CFAP61: variants seen among roughly 807,000 people sequenced by gnomAD.
CFAP61 encodes the protein cilia and flagella associated protein 61.
Under a neutral mutation model 135.6 loss-of-function variants are expected in CFAP61, and 107 were observed. The ratio of observed to expected loss-of-function variants is 0.79; its 90% CI spans 0.67 to 0.93. CFAP61 has a LOEUF of 0.93. Ranked by LOEUF, CFAP61 falls within the 40% of genes least tolerant of loss-of-function variation. The probability of loss-of-function intolerance (pLI) is 0.00; values close to 1 mark genes in which losing one functional copy is unlikely to be tolerated. For synonymous variants in CFAP61, 575 were observed against 578.5 expected, an observed-to-expected ratio of 0.99 and a Z score of 0.09; for missense variants, 1,507 against 1,556.2, an observed-to-expected ratio of 0.97 and a Z score of 0.53.
At chr20:20,299,457 C>G (rs1430361528) in intron 25 of CFAP61, among the ~76,000 whole-genome samples, 1 of 152,128 alleles carries the variant, frequency 6.6e-6, no homozygotes, top group Non-Finnish European at 1.5e-5. Context: ...GAGAAAGAAG[C>G]CGTAGATGAT....
At chr20:20,291,959 C>T (rs964571553) in intron 24 of CFAP61, among the ~76,000 whole-genome samples, 3 of 152,194 alleles carry the variant, frequency 2.0e-5, no homozygotes, top group Non-Finnish European at 4.4e-5. Context: ...ATATGACCAA[C>T]CTAAAATAAA....
chr20:20,226,678 T>C (rs2048757468), intron 17 of CFAP61, among the ~76,000 whole-genome samples: 1 of 152,206 alleles, frequency 6.6e-6, no homozygotes, highest in Non-Finnish European at 1.5e-5. Flanking sequence ...GTTTCACGTT[T>C]ACACCACGTG....
At chr20:20,142,152 C>A (rs1026030660) in intron 8 of CFAP61, among the ~76,000 whole-genome samples, 1 of 152,122 alleles carries the variant, frequency 6.6e-6, no homozygotes, top group Non-Finnish European at 1.5e-5. Context: ...GGGTGAAAGA[C>A]CTTTGTAGAC....
chr20:20,084,806 C>A (rs2046681372), intron 6 of CFAP61, among the ~76,000 whole-genome samples: 1 of 152,162 alleles, frequency 6.6e-6, no homozygotes, highest in East Asian at 1.9e-4. Context: ...ACTTAGAAGA[C>A]ACCCATTTCC....
intron 9 of CFAP61, among the ~76,000 whole-genome samples, chr20:20,156,086 T>G (rs2146788360): frequency 6.6e-6 from 1 of 152,206 alleles, no homozygotes; most frequent in East Asian, 1.9e-4. Context: ...GGATGATGGG[T>G]GCACTAAAAT....
chr20:20,105,817 T>C (rs2146655080), intron 8 of CFAP61, among the ~76,000 whole-genome samples: 1 of 149,776 alleles, frequency 6.7e-6, no homozygotes, highest in South Asian at 2.1e-4. Context: ...AGTTTTTTTT[T>C]TTTAGTAGAG....
At chr20:20,144,658 T>C (rs2051714815) in intron 9 of CFAP61, among the ~76,000 whole-genome samples, 1 of 150,064 alleles carries the variant, frequency 6.7e-6, no homozygotes, top group Admixed American at 6.6e-5. Context: ...ATAAATTTGA[T>C]GAAAACAATA....
chr20:20,239,389 C>T (rs1340741286), intron 18 of CFAP61, among the ~76,000 whole-genome samples: 1 of 152,120 alleles, frequency 6.6e-6, no homozygotes, highest in East Asian at 1.9e-4. Flanking sequence ...GGCAGGGAAC[C>T]TTCTCTGAAT....
intron 6 of CFAP61, among the ~76,000 whole-genome samples, chr20:20,084,576 G>A (rs1027792520): frequency 5.3e-5 from 8 of 152,202 alleles, no homozygotes; most frequent in Non-Finnish European, 1.0e-4. Context: ...TAATCATGTA[G>A]TGCAGCAGCC....
At chr20:20,089,954 A>G (rs1342858441) in intron 6 of CFAP61, among the ~76,000 whole-genome samples, 1 of 152,228 alleles carries the variant, frequency 6.6e-6, no homozygotes, top group Non-Finnish European at 1.5e-5. Context: ...ACAAGGTTAA[A>G]TATTCTTTAC....
chr20:20,320,756 TAAG>T (rs1427740304), intron 25 of CFAP61, among the ~76,000 whole-genome samples: 2 of 150,686 alleles, frequency 1.3e-5, no homozygotes, highest in Non-Finnish European at 2.9e-5. Context: ...ATTCTCATAA[TAAG>T]GAGTTATTTT....
intron 20 of CFAP61, among the ~76,000 whole-genome samples, chr20:20,258,733 T>C (rs1435101464): frequency 6.6e-6 from 1 of 152,208 alleles, no homozygotes; most frequent in Non-Finnish European, 1.5e-5. Context: ...AGGAGCCTGC[T>C]GCCAGGCAGC....
chr20:20,121,577 C>A (rs2146695466), intron 8 of CFAP61, among the ~76,000 whole-genome samples: 1 of 152,264 alleles, frequency 6.6e-6, no homozygotes, highest in Non-Finnish European at 1.5e-5. Context: ...ACACCACAAC[C>A]TCTACCTGCC....
chr20:20,198,023 TGGA>T (rs1254573442), intron 16 of CFAP61, among the ~76,000 whole-genome samples: 2 of 152,186 alleles, frequency 1.3e-5, no homozygotes, highest in Non-Finnish European at 2.9e-5. Flanking sequence ...GAAAACCTTT[TGGA>T]GAAGTCCAGA....
chr20:20,164,604 GA>G (rs985859759), intron 11 of CFAP61, among the ~76,000 whole-genome samples: 13 of 151,124 alleles, frequency 8.6e-5, no homozygotes, highest in Middle Eastern at 3.4e-3. Context: ...AACTGGCTTT[GA>G]AAAAAAAATT....
chr20:20,249,501 T>C (rs1271056400), intron 19 of CFAP61, among the ~76,000 whole-genome samples: 2 of 152,206 alleles, frequency 1.3e-5, no homozygotes, highest in Admixed American at 1.3e-4. Context: ...ATTGTACCAC[T>C]GTGCTCTAGG....
intron 7 of CFAP61, among the ~76,000 whole-genome samples, chr20:20,097,882 G>C (rs930447943): frequency 1.4e-4 from 22 of 152,186 alleles, no homozygotes; most frequent in African/African-American, 5.1e-4. Flanking sequence ...ACCTGATAAG[G>C]AGCTAGGGAC....
chr20:20,225,417 G>T (rs1340031214), intron 17 of CFAP61: 1 of 152,152 alleles, frequency 6.6e-6, no homozygotes, highest in Non-Finnish European at 1.5e-5. Flanking sequence ...ATTGGTACTG[G>T]TTGCCTGCTC....
At chr20:20,122,439 G>A (rs2049728198) in intron 8 of CFAP61, among the ~76,000 whole-genome samples, 3 of 152,192 alleles carry the variant, frequency 2.0e-5, no homozygotes, top group Admixed American at 2.0e-4. Context: ...ATAGGCATAA[G>A]CTATCATGCC....
Sources: gnomAD v4.1 joint callset for allele counts (sites outside exome capture counted in the v4.1 genomes callset) on GRCh38, gnomAD v4.1.1 for gene constraint, MANE v1.5 for transcripts, NCBI Gene and HGNC (gene_info 2026-07-23, HGNC 2026-07-21) for gene names.